Variants in SEPTIN7 observed in about 807,000 individuals in gnomAD.
SEPTIN7 encodes septin 7.
In SEPTIN7, 10 loss-of-function variants were observed where a neutral mutation model predicts 63.3. The observed-to-expected ratio is 0.16, with a 90% CI of 0.10 to 0.27. The LOEUF (loss-of-function observed/expected upper bound fraction) is 0.27, where lower values mean the gene tolerates loss of function less well. SEPTIN7 is among the 10% of genes least tolerant of loss of function. The pLI is 1.00. For synonymous variants in SEPTIN7, 131 were observed against 165.3 expected (o/e 0.79, Z 1.59); for missense variants, 310 against 521.0 (o/e 0.59, Z 3.94).
intron 13 of SEPTIN7, among the ~76,000 whole-genome samples, chr7:35,903,428 TA>T (rs1788437426): frequency 6.6e-6 from 1 of 152,202 alleles, no homozygotes; most frequent in South Asian, 2.1e-4. Context: ...TTTCATGACT[TA>T]ATATTCATAA....
chr7:35,857,468 C>T (rs1462825446), intron 3 of SEPTIN7, among the ~76,000 whole-genome samples: 3 of 152,090 alleles, frequency 2.0e-5, no homozygotes, highest in Admixed American at 1.3e-4. Context: ...ACTTTCATAA[C>T]CATGGGTAAA....
At chr7:35,803,390 A>G (rs1452214321) in intron 1 of SEPTIN7, among the ~76,000 whole-genome samples, 1 of 152,232 alleles carries the variant, frequency 6.6e-6, no homozygotes, top group Non-Finnish European at 1.5e-5. Flanking sequence ...AACAACAACA[A>G]CAAAGCTTGG....
Position 35,804,181 on chromosome 7 carries a change from G to A in SEPTIN7, c.61+2911G>A, listed in dbSNP as rs550881698. ...ATTTATCCTGTACTCCATGTAGCTC[G>A]CATGGTTAGAGAGATCTGAGGCCTA... On this transcript the variant is annotated intron_variant, in intron 1 of 13. Transcript: ENST00000350320. Among the ~76,000 whole-genome samples, 8 of 152,266 alleles carry A rather than the reference G, an allele frequency of 5.3e-5. No individual in the cohort carries two copies. In the East Asian group the frequency reaches 5.8e-4, roughly 11 times the overall value.
intron 10 of SEPTIN7, 155 bp from the exon 11 acceptor site, chr7:35,890,513 A>G (rs1176805107): frequency 5.0e-5 from 26 of 524,050 alleles, no homozygotes; most frequent in Non-Finnish European, 7.2e-5. Context: ...GTAAATGAAA[A>G]CAGATGAATG....
downstream of SEPTIN7, among the ~76,000 whole-genome samples, chr7:35,909,475 G>C (rs1206333326): frequency 6.6e-6 from 1 of 152,188 alleles, no homozygotes; most frequent in Non-Finnish European, 1.5e-5. Flanking sequence ...AAAGGAGATA[G>C]GTTTTTTTCT....
At chr7:35,874,782 TTTC>T (rs1271818227) in intron 6 of SEPTIN7, among the ~76,000 whole-genome samples, 2 of 152,142 alleles carry the variant, frequency 1.3e-5, no homozygotes, top group African/African-American at 2.4e-5. Context: ...AGTAAAGATG[TTTC>T]TTCTTTTATG....
chr7:35,865,405 T>C (rs1211872450), intron 4 of SEPTIN7, among the ~76,000 whole-genome samples: 1 of 152,200 alleles, frequency 6.6e-6, no homozygotes, highest in Non-Finnish European at 1.5e-5. Flanking sequence ...ATATACTTTT[T>C]TATATCTGTT....
At chr7:35,809,192 A>C (rs528920869) in intron 1 of SEPTIN7, among the ~76,000 whole-genome samples, 2 of 152,336 alleles carry the variant, frequency 1.3e-5, no homozygotes, top group African/African-American at 4.8e-5. Flanking sequence ...ATGCTGTGGC[A>C]GTTGAAATAG....
intron 1 of SEPTIN7, among the ~76,000 whole-genome samples, chr7:35,829,857 T>C (rs1325311918): frequency 6.6e-6 from 1 of 151,836 alleles, no homozygotes; most frequent in African/African-American, 2.4e-5. Context: ...ATAAGGTGAT[T>C]AGGGCAGGCC....
chr7:35,839,243 A>G (rs1583540160), intron 3 of SEPTIN7, among the ~76,000 whole-genome samples: 1 of 152,236 alleles, frequency 6.6e-6, no homozygotes, highest in South Asian at 2.1e-4. Flanking sequence ...AAAAAAAGGA[A>G]AATAAAGACT....
chr7:35,873,537 A>G, intron 5 of SEPTIN7, 104 bp from the exon 6 acceptor site: 1 of 1,060,312 alleles, frequency 9.4e-7, no homozygotes, highest in East Asian at 2.8e-5. Flanking sequence ...TTCTACTGGT[A>G]AATTCATTTT....
chr7:35,882,302 T>TAA (rs148408656), intron 7 of SEPTIN7, among the ~76,000 whole-genome samples, 182 bp from the exon 8 acceptor site: 129 of 140,468 alleles, frequency 9.2e-4, no homozygotes, highest in East Asian at 3.0e-3. Context: ...ACTTCATAGT[T>TAA]AAAAAAAAAA....
intron 3 of SEPTIN7, among the ~76,000 whole-genome samples, chr7:35,837,672 T>C (rs1358498861): frequency 1.3e-5 from 2 of 152,238 alleles, no homozygotes; most frequent in Non-Finnish European, 2.9e-5. Flanking sequence ...CATTGGATAT[T>C]AATCTGATTC....
At chr7:35,833,136 G>A (rs552826436) in intron 3 of SEPTIN7, among the ~76,000 whole-genome samples, 25 of 152,006 alleles carry the variant, frequency 1.6e-4, no homozygotes, top group Non-Finnish European at 3.2e-4. Context: ...GATAGTGTTG[G>A]AGTGGAACTC....
chr7:35,886,348 A>G (rs961731737), intron 10 of SEPTIN7, among the ~76,000 whole-genome samples: 1 of 152,202 alleles, frequency 6.6e-6, no homozygotes, highest in African/African-American at 2.4e-5. Flanking sequence ...AGAAATCCCT[A>G]AATTGTGTCT....
At chr7:35,822,436 C>T (rs1789482472) in intron 1 of SEPTIN7, among the ~76,000 whole-genome samples, 1 of 152,200 alleles carries the variant, frequency 6.6e-6, no homozygotes, top group African/African-American at 2.4e-5. Context: ...AGTGACAGAT[C>T]ATCAGGCATT....
chr7:35,803,690 G>A (rs1788144553), intron 1 of SEPTIN7, among the ~76,000 whole-genome samples: 1 of 152,128 alleles, frequency 6.6e-6, no homozygotes, highest in African/African-American at 2.4e-5. Context: ...AATGATTTAT[G>A]TCTTTTACTA....
At chr7:35,802,745 A>G (rs1788074492) in intron 1 of SEPTIN7, among the ~76,000 whole-genome samples, 1 of 149,970 alleles carries the variant, frequency 6.7e-6, no homozygotes, top group Non-Finnish European at 1.5e-5. Flanking sequence ...CAAGTCAGCT[A>G]TTGCTGCTTG....
intron 5 of SEPTIN7, 94 bp downstream of exon 5, chr7:35,872,860 A>T (rs1786239110): frequency 2.4e-6 from 2 of 822,090 alleles, no homozygotes; most frequent in Middle Eastern, 2.3e-4. Context: ...TTCTCATCTT[A>T]GCAAAGGTCA....
Sources: gnomAD v4.1 joint callset for allele counts (sites outside exome capture counted in the v4.1 genomes callset) on GRCh38, gnomAD v4.1.1 for gene constraint, MANE v1.5 for transcripts, NCBI Gene and HGNC (gene_info 2026-07-23, HGNC 2026-07-21) for gene names.